Variants in PTPRK observed in about 807,000 individuals in gnomAD.
The protein encoded by PTPRK is protein tyrosine phosphatase receptor type K.
Under a neutral mutation model 178.0 loss-of-function variants are expected in PTPRK, and 75 were observed. The observed-to-expected ratio is 0.42, with a 90% CI of 0.35 to 0.51. PTPRK has a LOEUF of 0.51. Ranked by LOEUF, PTPRK falls within the 20% of genes least tolerant of loss-of-function variation. The pLI is 0.02. For missense variants in PTPRK, 1,441 were observed against 1,797.8 expected (o/e 0.80, Z 3.59); for synonymous variants, 637 against 620.6 (o/e 1.03, Z -0.39).
At chr6:128,211,681 A>G (rs1808209669) in intron 6 of PTPRK, among the ~76,000 whole-genome samples, 2 of 152,126 alleles carry the variant, frequency 1.3e-5, no homozygotes, top group Non-Finnish European at 2.9e-5. Context: ...TATATTAGCT[A>G]GCTTTTTAAA....
At chr6:128,027,410 A>G (rs1774490578) in intron 13 of PTPRK, among the ~76,000 whole-genome samples, 1 of 152,168 alleles carries the variant, frequency 6.6e-6, no homozygotes, top group Non-Finnish European at 1.5e-5. Flanking sequence ...ATAAAACAGT[A>G]CCCACATTCA....
At chr6:128,468,048 C>T (rs1850108541) in intron 1 of PTPRK, among the ~76,000 whole-genome samples, 2 of 152,330 alleles carry the variant, frequency 1.3e-5, no homozygotes, top group South Asian at 4.1e-4. Flanking sequence ...TCACTATAAA[C>T]TCCATGAGGT....
chr6:128,048,477 C>T (rs150017218), intron 13 of PTPRK, among the ~76,000 whole-genome samples: 1 of 152,264 alleles, frequency 6.6e-6, no homozygotes, highest in Non-Finnish European at 1.5e-5. Flanking sequence ...TGCCCTCATT[C>T]CCTTCAGGTT....
chr6:128,476,438 TC>T, intron 1 of PTPRK, among the ~76,000 whole-genome samples: 1 of 152,210 alleles, frequency 6.6e-6, no homozygotes, highest in Non-Finnish European at 1.5e-5. Flanking sequence ...AGCATCTTGC[TC>T]ATGATATGTT....
rs1418318761 is a variant in PTPRK, at chr6:128,080,771, T to G, written c.1777+1666A>C. On this transcript the variant is annotated intron_variant, in intron 10 of 29. Coordinates refer to ENST00000368226, the MANE Select transcript of PTPRK (RefSeq NM_002844.4). ...ATTTGACAATAAATTATCTGAAAAGTTCAAGTAATGATGAGAACCACACTA... is the reference window on the plus strand; with the variant it reads ...ATTTGACAATAAATTATCTGAAAAGGTCAAGTAATGATGAGAACCACACTA... Among the ~76,000 whole-genome samples the G allele has an allele frequency of 3.3e-5, 5 of 152,142 alleles. No homozygotes were observed. The East Asian group carries it at 7.7e-4, about 23-fold the overall frequency.
At chr6:128,434,937 T>C (rs996130823) in intron 1 of PTPRK, among the ~76,000 whole-genome samples, 1 of 151,692 alleles carries the variant, frequency 6.6e-6, no homozygotes, top group Non-Finnish European at 1.5e-5. Context: ...GGTAGGAGGA[T>C]CACTTGAGCC....
chr6:128,151,304 C>T (rs943869620), intron 7 of PTPRK, among the ~76,000 whole-genome samples: 2 of 151,898 alleles, frequency 1.3e-5, no homozygotes, highest in Non-Finnish European at 2.9e-5. Flanking sequence ...TCAGATTTTA[C>T]TTTATGAATG....
At chr6:128,186,627 G>T (rs1554335677) in intron 6 of PTPRK, among the ~76,000 whole-genome samples, 2 of 151,882 alleles carry the variant, frequency 1.3e-5, no homozygotes, top group Non-Finnish European at 2.9e-5. Flanking sequence ...ATTCACAAAA[G>T]AAAAAAGTTT....
chr6:128,394,117 A>G (rs1839977900), intron 2 of PTPRK, among the ~76,000 whole-genome samples: 1 of 152,226 alleles, frequency 6.6e-6, no homozygotes, highest in Non-Finnish European at 1.5e-5. Flanking sequence ...ATAAATGTAT[A>G]TAATACATAC....
At position 128,005,105 on chromosome 6, in the gene PTPRK, G is replaced by C. The variant is rs747719411; in HGVS notation, c.2473C>G (p.Gln825Glu). Residue 825 changes from glutamine to glutamate, a missense_variant, in exon 15 of 30, where the codon CAA becomes GAA. Gln to Glu is a conservative substitution (Grantham distance 29). This residue lies in a region of PTPRK where 945 missense variants were observed against 1,080.6 expected (regional missense o/e 0.87). Transcript: ENST00000368226. ...EDPLSITFMDQHNFSPRYENH... is the reference protein window; with the variant it reads ...EDPLSITFMDEHNFSPRYENH... ...TTACATCTTGGACTAAAGTTATGTTGGTCCATGAAGGTGATGGAAAGAGGA... is the reference window on the plus strand; with the variant it reads ...TTACATCTTGGACTAAAGTTATGTTCGTCCATGAAGGTGATGGAAAGAGGA... 1 of 1,608,512 alleles carries C rather than the reference G, an allele frequency of 6.2e-7. No homozygotes were observed.
chr6:128,121,995 T>TA (rs1792548254), intron 7 of PTPRK, among the ~76,000 whole-genome samples: 1 of 152,130 alleles, frequency 6.6e-6, no homozygotes, highest in Non-Finnish European at 1.5e-5. Flanking sequence ...TTAACACCTG[T>TA]AAGGTAATTA....
intron 5 of PTPRK, chr6:128,230,694 C>A (rs1311018207): frequency 6.6e-6 from 1 of 152,112 alleles, no homozygotes; most frequent in African/African-American, 2.4e-5. Flanking sequence ...ATCCCAGGAG[C>A]TCAATGGGAA....
intron 7 of PTPRK, among the ~76,000 whole-genome samples, chr6:128,153,780 G>T (rs771002407): frequency 6.6e-6 from 1 of 151,878 alleles, no homozygotes; most frequent in African/African-American, 2.4e-5. Flanking sequence ...GCAAGATTTT[G>T]TTAATCATTT....
At chr6:128,062,369 C>T (rs1008968044) in intron 13 of PTPRK, 1 of 165,918 alleles carries the variant, frequency 6.0e-6, no homozygotes, top group Admixed American at 6.6e-5. Context: ...CCATGCCTGG[C>T]TCATTTTTTT....
At chr6:128,021,408 T>C (rs1344443519) in intron 13 of PTPRK, among the ~76,000 whole-genome samples, 1 of 152,098 alleles carries the variant, frequency 6.6e-6, no homozygotes, top group Non-Finnish European at 1.5e-5. Flanking sequence ...AGGCCGAGGC[T>C]GGTGGATCAC....
chr6:127,981,391 T>G, intron 24 of PTPRK, 102 bp from the exon 25 acceptor site: 27 of 869,446 alleles, frequency 3.1e-5, no homozygotes, highest in Non-Finnish European at 4.6e-5. Flanking sequence ...AAGTGAAGGA[T>G]TTGTGCGAGG....
intron 15 of PTPRK, among the ~76,000 whole-genome samples, chr6:128,002,718 T>A (rs1230153440): frequency 6.6e-6 from 1 of 151,928 alleles, no homozygotes; most frequent in East Asian, 1.9e-4. Context: ...TTTACCTACA[T>A]TAAAACATTC....
intron 5 of PTPRK, among the ~76,000 whole-genome samples, chr6:128,229,081 T>C (rs1040094052): frequency 6.6e-6 from 1 of 152,176 alleles, no homozygotes; most frequent in African/African-American, 2.4e-5. Flanking sequence ...AAAAAAGGTG[T>C]TTCTGACGTA....
At chr6:128,255,283 C>T (rs533883987) in intron 3 of PTPRK, among the ~76,000 whole-genome samples, 29 of 152,274 alleles carry the variant, frequency 1.9e-4, no homozygotes, top group Non-Finnish European at 3.7e-4. Flanking sequence ...GCCACCATGC[C>T]GGGCCCTAAA....
Sources: gnomAD v4.1 joint callset for allele counts (sites outside exome capture counted in the v4.1 genomes callset) on GRCh38, gnomAD v4.1.1 for gene constraint, gnomAD v4.1.1 regional missense constraint, MANE v1.5 for transcripts, NCBI Gene and HGNC (gene_info 2026-07-23, HGNC 2026-07-21) for gene names.